Variants in NRXN1 observed in about 807,000 individuals in gnomAD.
NRXN1 encodes neurexin-1.
NRXN1 carries 39 observed loss-of-function variants against 150.9 expected under a neutral mutation model. The observed-to-expected ratio is 0.26, with a 90% CI of 0.20 to 0.34. NRXN1 has a LOEUF of 0.34. Among genes scored for constraint, NRXN1 ranks in the 10% least tolerant of loss-of-function variants. NRXN1 has a pLI of 1.00. For synonymous variants in NRXN1, 924 were observed against 757.0 expected, an observed-to-expected ratio of 1.22 and a Z score of -3.62; for missense variants, 1,815 against 1,949.9, an observed-to-expected ratio of 0.93 and a Z score of 1.30.
chr2:50,662,556 A>G (rs1442443492), intron 5 of NRXN1, among the ~76,000 whole-genome samples: 1 of 151,606 alleles, frequency 6.6e-6, no homozygotes, highest in Non-Finnish European at 1.5e-5. Context: ...AAATTTGTAA[A>G]CTTTCTTAAA....
chr2:50,655,120 A>C (rs1217242747), intron 5 of NRXN1, among the ~76,000 whole-genome samples: 1 of 151,842 alleles, frequency 6.6e-6, no homozygotes, highest in African/African-American at 2.4e-5. Flanking sequence ...CAATAAACTG[A>C]GTGTGATTAA....
intron 5 of NRXN1, among the ~76,000 whole-genome samples, chr2:50,799,734 G>C (rs765545418): frequency 6.6e-5 from 10 of 152,084 alleles, no homozygotes; most frequent in Non-Finnish European, 1.5e-4. Flanking sequence ...GTTTAGTCTA[G>C]GCCAAGCTAT....
chr2:50,288,706 T>C (rs1333526126), intron 17 of NRXN1, among the ~76,000 whole-genome samples: 2 of 152,038 alleles, frequency 1.3e-5, no homozygotes, highest in African/African-American at 4.8e-5. Flanking sequence ...TTATTCACTA[T>C]CACTAAAAAT....
At chr2:50,314,428 A>T (rs2075425362) in intron 17 of NRXN1, among the ~76,000 whole-genome samples, 1 of 152,022 alleles carries the variant, frequency 6.6e-6, no homozygotes, top group Non-Finnish European at 1.5e-5. Flanking sequence ...CTCAGCTCAA[A>T]TCAGAAGCAA....
chr2:50,490,725 G>GTA (rs2091204382), intron 15 of NRXN1, among the ~76,000 whole-genome samples: 1 of 152,102 alleles, frequency 6.6e-6, no homozygotes, highest in Non-Finnish European at 1.5e-5. Context: ...CTGCTGTCAC[G>GTA]GTGGGGCAAT....
chr2:50,136,695 T>G (rs1376226208), intron 18 of NRXN1, among the ~76,000 whole-genome samples: 5 of 152,204 alleles, frequency 3.3e-5, no homozygotes, highest in Non-Finnish European at 7.4e-5. Flanking sequence ...ATAACAGCCA[T>G]GAAATCCTAT....
At chr2:50,009,722 C>A (rs1398972081) in intron 21 of NRXN1, among the ~76,000 whole-genome samples, 1 of 152,012 alleles carries the variant, frequency 6.6e-6, no homozygotes, top group East Asian at 1.9e-4. Context: ...ATAATAGTCG[C>A]CTGACAATTA....
intron 17 of NRXN1, among the ~76,000 whole-genome samples, chr2:50,254,377 T>C (rs771329376): frequency 5.9e-5 from 9 of 151,956 alleles, no homozygotes; most frequent in Non-Finnish European, 1.3e-4. Context: ...CCTGGATTCA[T>C]TGATTTTTTG....
chr2:50,382,120 C>T (rs2081015596), intron 17 of NRXN1, among the ~76,000 whole-genome samples: 1 of 151,914 alleles, frequency 6.6e-6, no homozygotes, highest in South Asian at 2.1e-4. Flanking sequence ...GTAAGAAAGA[C>T]CTATTACTCT....
chr2:50,019,378 C>T (rs1273791997), intron 21 of NRXN1: 2 of 467,712 alleles, frequency 4.3e-6, no homozygotes, highest in African/African-American at 4.0e-5. Flanking sequence ...GGCGCGGTGG[C>T]TCACGCCTGT....
chr2:49,922,956 C>G (rs376488423), intron 22 of NRXN1, among the ~76,000 whole-genome samples: 1 of 152,148 alleles, frequency 6.6e-6, no homozygotes, highest in African/African-American at 2.4e-5. Context: ...GTTTTAAATA[C>G]AGTCTAGATT....
intron 5 of NRXN1, among the ~76,000 whole-genome samples, chr2:50,909,391 C>A (rs1263803518): frequency 3.3e-5 from 5 of 152,016 alleles, no homozygotes; most frequent in Non-Finnish European, 5.9e-5. Flanking sequence ...TAGGAGACTT[C>A]TAAAGATTTT....
At chr2:50,086,972 C>A (rs1698878494) in intron 19 of NRXN1, among the ~76,000 whole-genome samples, 1 of 151,990 alleles carries the variant, frequency 6.6e-6, no homozygotes, top group African/African-American at 2.4e-5. Flanking sequence ...CTTTTGATAC[C>A]TGGATTGGTT....
intron 18 of NRXN1, among the ~76,000 whole-genome samples, chr2:50,180,484 T>A (rs2060638852): frequency 6.6e-6 from 1 of 152,230 alleles, no homozygotes; most frequent in South Asian, 2.1e-4. Flanking sequence ...TGTAACAGTG[T>A]TGGGAGATGG....
chr2:50,488,241 T>C (rs1036802493), intron 15 of NRXN1, among the ~76,000 whole-genome samples: 6 of 152,202 alleles, frequency 3.9e-5, no homozygotes, highest in Non-Finnish European at 7.3e-5. Context: ...AGTAAACTCA[T>C]ATTTGTATAA....
chr2:50,610,665 A>ATATATATATATC (rs1313698448), intron 8 of NRXN1, among the ~76,000 whole-genome samples: 1 of 121,126 alleles, frequency 8.3e-6, no homozygotes, highest in Non-Finnish European at 1.7e-5. Flanking sequence ...ATATATATAT[A>ATATATATATATC]TATATATATA....
At chr2:50,849,899 C>A (rs1674256565) in intron 5 of NRXN1, among the ~76,000 whole-genome samples, 1 of 152,014 alleles carries the variant, frequency 6.6e-6, no homozygotes, top group African/African-American at 2.4e-5. Context: ...TGACTGAATT[C>A]TAAGTTTTTT....
In NRXN1 at chr2:50,527,595, A is replaced by G. The variant is rs572509339; in HGVS notation, c.2374+1030T>C. Among the ~76,000 whole-genome samples the G allele has an allele frequency of 3.9e-5, 6 of 152,266 alleles. No homozygotes were observed. The South Asian group carries it at 1.0e-3, about 26-fold the overall frequency. ...AGAATATTAAATATATGTGGATAGA[A>G]TTATGAGTTGTAAGAGGCACAGTGT... On this transcript the variant is annotated intron_variant, in intron 12 of 22. Transcript: ENST00000401669.
rs1163993110 is a variant in NRXN1, at chr2:50,488,186, T to C, written c.3070+7719A>G. 3.9e-5 allele frequency among the ~76,000 whole-genome samples: 6 copies of C among 152,208 alleles called. 1 individual carries two copies. The South Asian group carries it at 1.2e-3, about 32-fold the overall frequency. On this transcript the variant is annotated intron_variant, in intron 15 of 22. Coordinates refer to ENST00000401669, the MANE Select transcript of NRXN1 (RefSeq NM_001330078.2). ...ACTTTTTGAGCCTTTGATATCTTCA[T>C]TTATAACCCAAGTAGCCTATCCCCA...
Sources: gnomAD v4.1 joint callset for allele counts (sites outside exome capture counted in the v4.1 genomes callset) on GRCh38, gnomAD v4.1.1 for gene constraint, MANE v1.5 for transcripts, NCBI Gene and HGNC (gene_info 2026-07-23, HGNC 2026-07-21) for gene names.